Variants in EIF3L observed in about 807,000 individuals in gnomAD.
EIF3L encodes the protein eukaryotic translation initiation factor 3 subunit L.
In EIF3L, 32 loss-of-function variants were observed where a neutral mutation model predicts 74.6. That is an observed-to-expected ratio of 0.43 (90% CI 0.32 to 0.58). The LOEUF is 0.58. EIF3L is among the 20% of genes least tolerant of loss of function. The pLI, the probability that EIF3L is intolerant of heterozygous loss-of-function variation, is 0.06. For synonymous variants in EIF3L, 256 were observed against 254.4 expected, an observed-to-expected ratio of 1.01 and a Z score of -0.06; for missense variants, 474 against 707.8, an observed-to-expected ratio of 0.67 and a Z score of 3.75.
intron 7 of EIF3L, 128 bp from the exon 8 acceptor site, chr22:37,870,048 G>T: frequency 1.4e-6 from 1 of 692,628 alleles, no homozygotes; most frequent in South Asian, 2.1e-5. Context: ...TTTAGAATGA[G>T]AAGTGGTCAT....
chr22:37,862,900 C>G (rs1925935219), intron 5 of EIF3L, 69 bp from the exon 6 acceptor site: 1 of 1,148,962 alleles, frequency 8.7e-7, no homozygotes, highest in African/African-American at 1.5e-5. Flanking sequence ...ACAGCTGTCA[C>G]AGTATACCAT....
intron 6 of EIF3L, 62 bp from the exon 7 acceptor site, chr22:37,863,210 C>A: frequency 7.1e-7 from 1 of 1,407,656 alleles, no homozygotes; most frequent in Non-Finnish European, 9.9e-7. Flanking sequence ...AAGCATTCTG[C>A]AGCCTACAGA....
At chr22:37,849,531 G>A (rs1413626043) in intron 1 of EIF3L, 49 bp downstream of exon 1, 1 of 1,543,084 alleles carries the variant, frequency 6.5e-7, no homozygotes, top group African/African-American at 1.4e-5. Context: ...GGTGATCTCT[G>A]GGACCACTGG....
intron 4 of EIF3L, 118 bp downstream of exon 4, chr22:37,855,762 T>A: frequency 1.3e-6 from 1 of 799,882 alleles, no homozygotes; most frequent in Non-Finnish European, 2.0e-6. Flanking sequence ...CCTTGGTGCT[T>A]GGTATGTAGT....
chr22:37,878,246 A>G, intron 11 of EIF3L, 75 bp downstream of exon 11: 1 of 1,501,804 alleles, frequency 6.7e-7, no homozygotes, highest in African/African-American at 1.4e-5. Context: ...GGGCACATGA[A>G]GTATATCGGG....
chr22:37,869,315 G>C (rs1239892274), intron 7 of EIF3L, among the ~76,000 whole-genome samples: 2 of 151,984 alleles, frequency 1.3e-5, no homozygotes, highest in African/African-American at 4.8e-5. Flanking sequence ...GTTTTTTATA[G>C]CGATAGGGTT....
chr22:37,887,278 C>G (rs1927372828), intron 12 of EIF3L: 1 of 153,420 alleles, frequency 6.5e-6, no homozygotes, highest in East Asian at 1.9e-4. Context: ...GCCCTCCAGC[C>G]TGGGCAACCG....
At chr22:37,863,751 C>T (rs1405161005) in intron 7 of EIF3L, among the ~76,000 whole-genome samples, 2 of 151,940 alleles carry the variant, frequency 1.3e-5, no homozygotes, top group Non-Finnish European at 1.5e-5. Flanking sequence ...TGGAAATGTT[C>T]TATTATCTTT....
chr22:37,878,068 T>G lies in EIF3L; in HGVS notation c.1472T>G (p.Leu491Arg). Residue 491 changes from leucine to arginine, a missense_variant, in exon 11 of 13, where the codon CTT becomes CGT. Transcript: ENST00000652021. The stretch of plus-strand genomic sequence containing the variant: ...GAGCAGGAGTTCCGGATCCAGCTTC[T>G]TGTCTTCAAACACAAGATGAAGAAC... ...LTEQEFRIQLLVFKHKMKNLV... is the reference protein window; with the variant it reads ...LTEQEFRIQLRVFKHKMKNLV... 6.2e-7 allele frequency: 1 copy of G among 1,614,164 alleles called. No homozygotes were observed. The highest frequency in any genetic ancestry group is 1.1e-5 in the South Asian group (1 of 91,084).
intron 11 of EIF3L, chr22:37,881,008 C>T (rs931108253): frequency 2.0e-5 from 3 of 152,110 alleles, no homozygotes; most frequent in African/African-American, 7.2e-5. Context: ...CATTGATTAA[C>T]GTTTGGATGG....
At chr22:37,872,829 T>C (rs1926545801) in intron 8 of EIF3L, among the ~76,000 whole-genome samples, 1 of 152,030 alleles carries the variant, frequency 6.6e-6, no homozygotes, top group South Asian at 2.1e-4. Flanking sequence ...TCTCACTTTG[T>C]TGCCCAGGCC....
chr22:37,851,748 C>T (rs1273884611), intron 3 of EIF3L, among the ~76,000 whole-genome samples: 1 of 152,174 alleles, frequency 6.6e-6, no homozygotes, highest in East Asian at 1.9e-4. Context: ...TCACTGCAAC[C>T]TCCGCCTCCT....
At chr22:37,865,123 A>G (rs1204977570) in intron 7 of EIF3L, among the ~76,000 whole-genome samples, 1 of 152,144 alleles carries the variant, frequency 6.6e-6, no homozygotes, top group African/African-American at 2.4e-5. Flanking sequence ...TTTGGGGTCC[A>G]AGGCAGTAGG....
intron 9 of EIF3L, among the ~76,000 whole-genome samples, chr22:37,875,380 A>G (rs1313146635): frequency 1.4e-5 from 2 of 146,524 alleles, no homozygotes; most frequent in Admixed American, 6.8e-5. Context: ...TCTGTCCCAG[A>G]AAAAAAAAAA....
At chr22:37,850,455 G>A (rs758530869) in intron 2 of EIF3L, 20 of 220,020 alleles carry the variant, frequency 9.1e-5, no homozygotes, top group Non-Finnish European at 1.6e-4. Flanking sequence ...TCTTGTCTCA[G>A]CCTCCTGAGT....
At chr22:37,854,665 C>T (rs1253528746) in intron 3 of EIF3L, among the ~76,000 whole-genome samples, 1 of 152,116 alleles carries the variant, frequency 6.6e-6, no homozygotes, top group Non-Finnish European at 1.5e-5. Flanking sequence ...CGGGGTTTCA[C>T]CGTGTTGGTC....
chr22:37,869,287 C>G (rs1256081602), intron 7 of EIF3L, among the ~76,000 whole-genome samples: 1 of 152,146 alleles, frequency 6.6e-6, no homozygotes, highest in Non-Finnish European at 1.5e-5. Context: ...TGCCACCATT[C>G]CTGGCTAATT....
intron 4 of EIF3L, among the ~76,000 whole-genome samples, chr22:37,856,589 A>C (rs1925520229): frequency 6.6e-6 from 1 of 152,126 alleles, no homozygotes; most frequent in Non-Finnish European, 1.5e-5. Context: ...TCACGCCTGT[A>C]ATCCAAGCAC....
intron 3 of EIF3L, among the ~76,000 whole-genome samples, chr22:37,853,484 T>C (rs2145796979): frequency 6.6e-6 from 1 of 152,246 alleles, no homozygotes; most frequent in East Asian, 1.9e-4. Context: ...CCTACAAAAA[T>C]TAGCTGGGGC....
Sources: gnomAD v4.1 joint callset for allele counts (sites outside exome capture counted in the v4.1 genomes callset) on GRCh38, gnomAD v4.1.1 for gene constraint, MANE v1.5 for transcripts, NCBI Gene and HGNC (gene_info 2026-07-23, HGNC 2026-07-21) for gene names.